Variants in THOC1 observed in about 807,000 individuals in gnomAD.
The protein encoded by THOC1 is THO complex 1.
A neutral mutation model predicts 97.3 loss-of-function variants in THOC1; 29 were observed. The ratio of observed to expected loss-of-function variants is 0.30; its 90% CI spans 0.22 to 0.41. The LOEUF is 0.41. Among genes scored for constraint, THOC1 ranks in the 10% least tolerant of loss-of-function variants. The probability of loss-of-function intolerance (pLI) is 1.00; values close to 1 mark genes in which losing one functional copy is unlikely to be tolerated. For missense variants in THOC1, 529 were observed against 761.9 expected (o/e 0.69, Z 3.60); for synonymous variants, 255 against 257.0 (o/e 0.99, Z 0.07).
At chr18:259,416 C>T (rs1315599439) in intron 6 of THOC1, 141 bp from the exon 7 acceptor site, 4 of 713,754 alleles carry the variant, frequency 5.6e-6, no homozygotes, top group Non-Finnish European at 9.0e-6. Flanking sequence ...AAACCACTGC[C>T]ACAAAAAAGT....
Position 216,380 on chromosome 18 carries a change from T to C in THOC1, c.1602+106A>G, listed in dbSNP as rs1424868356. ...ATTCTAAAACATGGGAGCTTGTGGA[T>C]CACTGGTTTTTCACATGATTAAGTC... is the stretch of plus-strand genomic sequence containing the variant. On this transcript the variant is annotated intron_variant, in intron 19 of 20. Transcript: ENST00000261600. 6 of 1,225,502 alleles carry C rather than the reference T, an allele frequency of 4.9e-6. No individual in the cohort carries two copies. The African/African-American group carries it at 9.1e-5, about 19-fold the overall frequency. The allele number at this position is 1,225,502 out of a possible 1,614,324, so 75.9% of individuals were successfully genotyped here. A position where few individuals can be genotyped will look rare whatever the true frequency, so the allele number is the denominator to read the frequency against.
intron 19 of THOC1, chr18:216,224 TTAC>T (rs1910884441): frequency 3.0e-6 from 1 of 331,328 alleles, no homozygotes; most frequent in Non-Finnish European, 5.6e-6. Context: ...AGTGCTGGGA[TTAC>T]AGTCGTGAGC....
At chr18:261,873 G>A (rs955185703) in intron 4 of THOC1, among the ~76,000 whole-genome samples, 5 of 152,236 alleles carry the variant, frequency 3.3e-5, no homozygotes, top group African/African-American at 4.8e-5. Context: ...TTCACTGGTG[G>A]TTCTGATGAG....
intron 9 of THOC1, among the ~76,000 whole-genome samples, chr18:250,048 G>A (rs1008462417): frequency 5.3e-5 from 8 of 152,064 alleles, no homozygotes; most frequent in Non-Finnish European, 1.2e-4. Context: ...ATTATTCCAT[G>A]TTGCTAATTA....
intron 17 of THOC1, among the ~76,000 whole-genome samples, chr18:219,839 T>C (rs1475302150): frequency 1.3e-5 from 2 of 152,200 alleles, no homozygotes; most frequent in Non-Finnish European, 1.5e-5. Context: ...AAACCAAAAC[T>C]AATAATCAGA....
At position 264,904 on chromosome 18, in the gene THOC1, TGAG is replaced by T. The variant is rs200524687; in HGVS notation, c.189+396_189+398del. The stretch of plus-strand genomic sequence containing the variant: ...TCAGTTATTTATGTAAGTTTACTGA[TGAG>T]GAGGATGCCAGAGGAAAATGAGGGA... On this transcript the variant is annotated intron_variant, in intron 3 of 20. Transcript: ENST00000261600. 1,510 of 159,602 alleles carry T rather than the reference TGAG, an allele frequency of 9.5e-3. 26 individuals carry two copies. Among genetic ancestry groups the T allele is most frequent in the African/African-American group, 0.034 (1,433 of 41,880 alleles). The allele number at this position is 159,602 out of a possible 1,614,324, so 9.9% of individuals were successfully genotyped here.
At chr18:230,495 C>A (rs533037207) in intron 11 of THOC1, among the ~76,000 whole-genome samples, 2 of 152,252 alleles carry the variant, frequency 1.3e-5, no homozygotes, top group South Asian at 4.1e-4. Context: ...AACACTGAAT[C>A]AGGGGTGGAA....
At chr18:258,314 A>G (rs950735923) in intron 7 of THOC1, among the ~76,000 whole-genome samples, 7 of 152,162 alleles carry the variant, frequency 4.6e-5, no homozygotes, top group Non-Finnish European at 8.8e-5. Flanking sequence ...AGGAAAAAAA[A>G]TAAAGGAGAA....
At chr18:223,611 G>T in intron 16 of THOC1, 106 bp from the exon 17 acceptor site, 1 of 858,582 alleles carries the variant, frequency 1.2e-6, no homozygotes, top group Non-Finnish European at 1.8e-6. Context: ...ATTTGGGGAT[G>T]TTGACAGTAT....
At chr18:249,091 C>T (rs932934788) in intron 9 of THOC1, among the ~76,000 whole-genome samples, 1 of 152,132 alleles carries the variant, frequency 6.6e-6, no homozygotes, top group Admixed American at 6.5e-5. Flanking sequence ...TGATAAACGG[C>T]TAGTATCTGA....
chr18:265,385 C>T, intron 2 of THOC1, 22 bp from the exon 3 acceptor site: 2 of 1,599,094 alleles, frequency 1.3e-6, no homozygotes, highest in Non-Finnish European at 8.5e-7. Flanking sequence ...AAAAGACATC[C>T]TCATTTTTCA....
At position 254,169 on chromosome 18, in the gene THOC1, C is replaced by T; in HGVS notation, c.603+104G>A. 1 of 805,684 alleles carries T rather than the reference C, an allele frequency of 1.2e-6. No individual in the cohort carries two copies. The highest frequency in any genetic ancestry group is 2.1e-6 in the Non-Finnish European group (1 of 482,814). The allele number at this position is 805,684 out of a possible 1,614,324, so 49.9% of individuals were successfully genotyped here. ...TCAAGCGATCTGCCCACCTCAGCCT[C>T]CCAAAGTGCTAGGATTACAAGTGTG... On this transcript the variant is annotated intron_variant, in intron 8 of 20. Coordinates refer to ENST00000261600, the MANE Select transcript of THOC1 (RefSeq NM_005131.3). This position sits in a 1 kb window ranked among gnomAD's most constrained non-coding sequence, Gnocchi z 4.1.
intron 11 of THOC1, among the ~76,000 whole-genome samples, chr18:234,882 T>G (rs141573605): frequency 6.6e-6 from 1 of 152,324 alleles, no homozygotes; most frequent in African/African-American, 2.4e-5. Context: ...CTGTCCTTAT[T>G]GGGATTTTAA....
At chr18:228,092 C>T (rs117840858) in intron 11 of THOC1, among the ~76,000 whole-genome samples, 2,934 of 152,304 alleles carry the variant, frequency 0.019, 43 homozygotes, top group Admixed American at 0.03. Context: ...CCTCCAGCCC[C>T]TGGGCAACTT....
At position 224,197 on chromosome 18, in the gene THOC1, T is replaced by TA; in HGVS notation, c.1209-19dup. On this transcript the variant is annotated intron_variant, in intron 15 of 20. Coordinates refer to ENST00000261600, the MANE Select transcript of THOC1 (RefSeq NM_005131.3). ...CTGATGTTCTGTCGTGAACAAAACA[T>TA]ACACTATTTTTTGAATTACAAATGG... 1 of 1,523,134 alleles carries TA rather than the reference T, an allele frequency of 6.6e-7. No homozygotes were observed. Among genetic ancestry groups the TA allele is most frequent in the South Asian group, 1.2e-5 (1 of 84,926 alleles). The allele number at this position is 1,523,134 out of a possible 1,614,324, so 94.4% of individuals were successfully genotyped here. A position where few individuals can be genotyped will look rare whatever the true frequency, so the allele number is the denominator to read the frequency against.
chr18:254,197 C>T lies in THOC1; in HGVS notation c.603+76G>A. 4 of 1,008,884 alleles carry T rather than the reference C, an allele frequency of 4.0e-6. No individual in the cohort carries two copies. The highest frequency in any genetic ancestry group is 6.1e-6 in the Non-Finnish European group (4 of 656,880). The allele number at this position is 1,008,884 out of a possible 1,614,324, so 62.5% of individuals were successfully genotyped here. ...AAAGTGCTAGGATTACAAGTGTGAG[C>T]CACTGTGCCTGGACCCACTATCTTA... On this transcript the variant is annotated intron_variant, in intron 8 of 20. Coordinates refer to ENST00000261600, the MANE Select transcript of THOC1 (RefSeq NM_005131.3). This position sits in a 1 kb window ranked among gnomAD's most constrained non-coding sequence, Gnocchi z 4.1.
chr18:227,621 C>T (rs1385666639), intron 11 of THOC1, among the ~76,000 whole-genome samples: 2 of 150,780 alleles, frequency 1.3e-5, no homozygotes, highest in Non-Finnish European at 1.5e-5. Context: ...CTTCAACGAC[C>T]CTGCCATCCA....
chr18:249,631 C>T (rs1300147744), intron 9 of THOC1, among the ~76,000 whole-genome samples: 2 of 149,904 alleles, frequency 1.3e-5, no homozygotes, highest in Non-Finnish European at 2.9e-5. Flanking sequence ...CACTGCACTC[C>T]AGCCTGGGTG....
intron 17 of THOC1, among the ~76,000 whole-genome samples, chr18:222,928 A>C (rs1326605106): frequency 6.6e-6 from 1 of 151,292 alleles, no homozygotes; most frequent in African/African-American, 2.4e-5. Context: ...CCCATTCTCT[A>C]TTATTTCTTT....
Sources: gnomAD v4.1 joint callset for allele counts (sites outside exome capture counted in the v4.1 genomes callset) on GRCh38, gnomAD v4.1.1 for gene constraint, Gnocchi (gnomAD v3.1) non-coding constraint, MANE v1.5 for transcripts, NCBI Gene and HGNC (gene_info 2026-07-23, HGNC 2026-07-21) for gene names.